Variants in PRTG observed in about 807,000 individuals in gnomAD.
The protein encoded by PRTG is immunoglobulin superfamily, DCC subclass, member 5.
PRTG carries 67 observed loss-of-function variants against 122.5 expected under a neutral mutation model. The observed-to-expected ratio is 0.55, with a 90% CI of 0.45 to 0.67. PRTG has a LOEUF of 0.67. Among genes scored for constraint, PRTG ranks in the 30% least tolerant of loss-of-function variants. The pLI is 0.00. For missense variants in PRTG, 1,435 were observed against 1,415.4 expected, an observed-to-expected ratio of 1.01 and a Z score of -0.22; for synonymous variants, 554 against 501.1, an observed-to-expected ratio of 1.11 and a Z score of -1.41.
At chr15:55,681,506 C>G (rs1324757023) in intron 4 of PRTG, 2 of 152,030 alleles carry the variant, frequency 1.3e-5, no homozygotes, top group African/African-American at 4.8e-5. Flanking sequence ...AGTTTCCCTT[C>G]TACCTATATT....
intron 11 of PRTG, among the ~76,000 whole-genome samples, chr15:55,646,292 A>T (rs7176818): frequency 6.9e-6 from 1 of 145,670 alleles, no homozygotes; most frequent in Non-Finnish European, 1.5e-5. Context: ...GATTACAGGC[A>T]TGAGCCACTG....
chr15:55,714,096 A>G (rs2030503526), intron 2 of PRTG, among the ~76,000 whole-genome samples: 1 of 152,084 alleles, frequency 6.6e-6, no homozygotes, highest in African/African-American at 2.4e-5. Flanking sequence ...CTGTTTTAAT[A>G]TTTTACCTAT....
chr15:55,709,063 T>A (rs985498678), intron 2 of PRTG, among the ~76,000 whole-genome samples: 9 of 142,178 alleles, frequency 6.3e-5, no homozygotes, highest in Non-Finnish European at 1.3e-4. Flanking sequence ...GGAGAATCAC[T>A]TGAACCCAGG....
At chr15:55,702,965 C>A (rs1445475236) in intron 2 of PRTG, 31 of 978,726 alleles carry the variant, frequency 3.2e-5, no homozygotes, top group Non-Finnish European at 3.4e-5. Flanking sequence ...ACATTCTAAA[C>A]CTATCTTGGG....
At chr15:55,730,955 G>A (rs1486188857) in intron 2 of PRTG, among the ~76,000 whole-genome samples, 1 of 152,172 alleles carries the variant, frequency 6.6e-6, no homozygotes, top group Non-Finnish European at 1.5e-5. Context: ...TTTACTTAAG[G>A]AAGAGGAAGG....
intron 2 of PRTG, among the ~76,000 whole-genome samples, chr15:55,718,386 C>T (rs2030680046): frequency 6.6e-6 from 1 of 152,022 alleles, no homozygotes; most frequent in Admixed American, 6.6e-5. Context: ...GTTTCCCTCC[C>T]GCCTGTCCCC....
At position 55,615,754 on chromosome 15, in the gene PRTG, C is replaced by A. The variant is rs983396637; in HGVS notation, c.*4258G>T. On this transcript the variant is annotated 3_prime_UTR_variant, in exon 20 of 20. Coordinates refer to ENST00000389286, the MANE Select transcript of PRTG (RefSeq NM_173814.6). ...TTTTACATTCAGTATTCAAAATTTA[C>A]ATTCAGTGAAACAGAAATGTATATA... The A allele has an allele frequency of 2.0e-5, 3 of 151,898 alleles. No homozygotes were observed. The highest frequency in any genetic ancestry group is 4.4e-5 in the Non-Finnish European group (3 of 67,934). The allele number at this position is 151,898 out of a possible 1,614,324, so 9.4% of individuals were successfully genotyped here. A position where few individuals can be genotyped will look rare whatever the true frequency, so the allele number is the denominator to read the frequency against.
intron 17 of PRTG, 137 bp from the exon 18 acceptor site, chr15:55,624,644 T>G: frequency 1.6e-6 from 1 of 622,508 alleles, no homozygotes; most frequent in Non-Finnish European, 2.6e-6. Context: ...TAGAATCGAG[T>G]GTTAGATTTT....
chr15:55,678,719 T>A (rs1295085700), intron 7 of PRTG, among the ~76,000 whole-genome samples: 10 of 152,208 alleles, frequency 6.6e-5, no homozygotes, highest in Non-Finnish European at 1.3e-4. Context: ...CTTATTTTTT[T>A]AAATTTGGCT....
At chr15:55,637,049 CT>C in intron 15 of PRTG, 120 bp downstream of exon 15, 1 of 871,926 alleles carries the variant, frequency 1.1e-6, no homozygotes, top group Non-Finnish European at 1.6e-6. Flanking sequence ...AAGCCAAAAT[CT>C]TTTATTACTT....
chr15:55,717,930 G>A (rs968402871), intron 2 of PRTG, among the ~76,000 whole-genome samples: 3 of 152,162 alleles, frequency 2.0e-5, no homozygotes, highest in African/African-American at 7.2e-5. Flanking sequence ...AGTTGGTGCC[G>A]TGACTTGGAT....
At chr15:55,634,973 G>C (rs1243937511) in intron 15 of PRTG, among the ~76,000 whole-genome samples, 2 of 152,154 alleles carry the variant, frequency 1.3e-5, no homozygotes, top group Non-Finnish European at 2.9e-5. Flanking sequence ...TGCCCAATCA[G>C]ACATTAGCGA....
At position 55,673,429 on chromosome 15, in the gene PRTG, C is replaced by T; in HGVS notation, c.1794G>A (p.Gly598=). The change falls in exon 10 of 20, where the codon GGG becomes GGA. Residue 598 remains glycine, a synonymous_variant. Transcript: ENST00000389286. ...AAGTCCATACTGATGACTCTCCCAG[C>T]CCCACTCTGGTGGCAGCAGTAATCC... is the stretch of plus-strand genomic sequence containing the variant. The part of the protein sequence containing the change: ...LVRITAATRV[G]LGESSVWTSH... 1 of 1,614,138 alleles carries T rather than the reference C, an allele frequency of 6.2e-7. No homozygotes were observed. Among genetic ancestry groups the T allele is most frequent in the South Asian group, 1.1e-5 (1 of 91,080 alleles).
At chr15:55,625,797 AT>A (rs1238059545) in intron 17 of PRTG, among the ~76,000 whole-genome samples, 1 of 151,504 alleles carries the variant, frequency 6.6e-6, no homozygotes, top group Admixed American at 6.6e-5. Context: ...CTAATTTTGT[AT>A]TTTTAGTAGA....
Position 55,742,918 on chromosome 15 carries a change from A to T in PRTG, c.14T>A (p.Leu5Gln), listed in dbSNP as rs767411914. 2 of 1,525,624 alleles carry T rather than the reference A, an allele frequency of 1.3e-6. No individual in the cohort carries two copies. Among genetic ancestry groups the T allele is most frequent in the South Asian group, 2.4e-5 (2 of 82,692 alleles). The allele number at this position is 1,525,624 out of a possible 1,614,324, so 94.5% of individuals were successfully genotyped here. A position where few individuals can be genotyped will look rare whatever the true frequency, so the allele number is the denominator to read the frequency against. ...CGGTCGCAGCCGGGCGAGGGGTCGC[A>T]GAGGAGGCGCCATTCAGCGTAGCCG... MAPP[L>Q]RPLARLRPPG... The change falls in exon 1 of 20, where the codon CTG (leucine) becomes CAG (glutamine). Residue 5 changes from leucine (L) to glutamine (Q), a missense_variant. Leu to Gln is a moderately radical substitution (Grantham distance 113, BLOSUM62 -2). Coordinates refer to ENST00000389286, the MANE Select transcript of PRTG (RefSeq NM_173814.6).
At chr15:55,660,239 G>GT (rs2059402846) in intron 11 of PRTG, among the ~76,000 whole-genome samples, 1 of 152,060 alleles carries the variant, frequency 6.6e-6, no homozygotes, top group South Asian at 2.1e-4. Flanking sequence ...TGTGCGTTAA[G>GT]TTTTTTTAAG....
intron 11 of PRTG, among the ~76,000 whole-genome samples, chr15:55,645,429 GTC>G (rs1295080101): frequency 2.1e-4 from 2 of 9,738 alleles, no homozygotes; most frequent in Non-Finnish European, 1.5e-3. Context: ...GCGAAACTCC[GTC>G]TCAAAAAAAA....
Position 55,614,068 on chromosome 15 carries a change from G to C in PRTG, c.*5944C>G, listed in dbSNP as rs1014353949. On this transcript the variant is annotated 3_prime_UTR_variant, in exon 20 of 20. Coordinates refer to ENST00000389286, the MANE Select transcript of PRTG (RefSeq NM_173814.6). ...ACCAGCTTTCTTATGCTTACTCGGAGTATTATTCTGGCCTTTCTCATAATG... is the reference window on the plus strand; with the variant it reads ...ACCAGCTTTCTTATGCTTACTCGGACTATTATTCTGGCCTTTCTCATAATG... The C allele has an allele frequency of 6.6e-6, 1 of 152,088 alleles. No homozygotes were observed. The highest frequency in any genetic ancestry group is 1.5e-5 in the Non-Finnish European group (1 of 67,970). The allele number at this position is 152,088 out of a possible 1,614,324, so 9.4% of individuals were successfully genotyped here. A position where few individuals can be genotyped will look rare whatever the true frequency, so the allele number is the denominator to read the frequency against.
chr15:55,724,477 G>A (rs1378440987), intron 2 of PRTG, among the ~76,000 whole-genome samples: 1 of 152,092 alleles, frequency 6.6e-6, no homozygotes, highest in African/African-American at 2.4e-5. Context: ...AAGGCTGGGT[G>A]CTATAGCTCA....
Sources: allele counts gnomAD v4.1 joint callset (sites outside exome capture counted in the v4.1 genomes callset), GRCh38; gene constraint gnomAD v4.1.1; transcripts MANE v1.5; gene names NCBI Gene and HGNC (gene_info 2026-07-23, HGNC 2026-07-21).